FANCD2: variants seen among roughly 807,000 people sequenced by gnomAD.
FANCD2 encodes the protein Fanconi anemia group D2 protein.
FANCD2 carries 131 observed loss-of-function variants against 192.3 expected under a neutral mutation model. That is an observed-to-expected ratio of 0.68 (90% CI 0.59 to 0.79). The LOEUF is 0.79. FANCD2 is among the 30% of genes least tolerant of loss of function. FANCD2 has a pLI of 0.00. For synonymous variants in FANCD2, 524 were observed against 612.5 expected (o/e 0.86, Z 2.13); for missense variants, 1,508 against 1,701.6 (o/e 0.89, Z 2.00).
At chr3:10,068,994 G>T (rs1488903206) in intron 26 of FANCD2, among the ~76,000 whole-genome samples, 1 of 152,066 alleles carries the variant, frequency 6.6e-6, no homozygotes, top group Non-Finnish European at 1.5e-5. Context: ...AAATCAAAAT[G>T]GATTATAGAC....
intron 26 of FANCD2, among the ~76,000 whole-genome samples, chr3:10,070,215 C>T (rs886464846): frequency 1.2e-4 from 18 of 148,506 alleles, no homozygotes; most frequent in African/African-American, 3.7e-4. Context: ...GTGAGGAGCC[C>T]CTCTGCCCGG....
chr3:10,060,814 C>T (rs924048578), intron 19 of FANCD2, among the ~76,000 whole-genome samples: 1 of 152,184 alleles, frequency 6.6e-6, no homozygotes, highest in Non-Finnish European at 1.5e-5. Flanking sequence ...TATTTCCCCT[C>T]ACCTTGTTCC....
At chr3:10,028,544 GC>G (rs1474953414) in intron 1 of FANCD2, 80 bp from the exon 2 acceptor site, 1 of 897,476 alleles carries the variant, frequency 1.1e-6, no homozygotes, top group African/African-American at 1.7e-5. Context: ...TTTGGATAGA[GC>G]AGTTTTCTTT....
At position 10,047,919 on chromosome 3, in the gene FANCD2, T is replaced by C. The variant is rs777812740; in HGVS notation, c.1281T>C (p.Val427=). ...LQSTFSVHYL[V]LKDMCSSILS... ...CTCTCTACTCTTCCCCACTCAAGGT[T>C]CTTAAGGATATGTGTTCATCCATTC... Residue 427 remains valine, a splice_region_variant and synonymous_variant, in exon 16 of 44, where the codon GTT becomes GTC. Coordinates refer to ENST00000675286, the MANE Select transcript of FANCD2 (RefSeq NM_001018115.3). The C allele has an allele frequency of 1.6e-5, 25 of 1,612,516 alleles. No homozygotes were observed. Among genetic ancestry groups the C allele is most frequent in the Non-Finnish European group, 2.1e-5 (25 of 1,180,054 alleles).
chr3:10,052,021 G>T (rs1324617393), intron 17 of FANCD2, among the ~76,000 whole-genome samples: 1 of 152,088 alleles, frequency 6.6e-6, no homozygotes, highest in Non-Finnish European at 1.5e-5. Context: ...GAAAGGTGGA[G>T]GTAAAGAATA....
chr3:10,076,465 T>G (rs1693550706), intron 29 of FANCD2, among the ~76,000 whole-genome samples: 1 of 152,218 alleles, frequency 6.6e-6, no homozygotes, highest in African/African-American at 2.4e-5. Context: ...GAATATTTAT[T>G]TTGGACATGC....
chr3:10,082,337 C>T (rs1693893189), intron 32 of FANCD2, among the ~76,000 whole-genome samples: 1 of 152,170 alleles, frequency 6.6e-6, no homozygotes, highest in African/African-American at 2.4e-5. Flanking sequence ...CTTCCAGACT[C>T]CCATTATCTC....
chr3:10,082,336 T>A (rs764115368), intron 32 of FANCD2, among the ~76,000 whole-genome samples: 6 of 152,176 alleles, frequency 3.9e-5, no homozygotes, highest in East Asian at 1.9e-4. Flanking sequence ...GCTTCCAGAC[T>A]CCCATTATCT....
intron 27 of FANCD2, 45 bp from the exon 28 acceptor site, chr3:10,073,208 T>C: frequency 1.3e-6 from 2 of 1,496,638 alleles, no homozygotes; most frequent in South Asian, 1.1e-5. Context: ...TTGGCAAACA[T>C]GATTATTAAT....
At chr3:10,031,492 A>C (rs1157430146) in intron 2 of FANCD2, among the ~76,000 whole-genome samples, 1 of 134,876 alleles carries the variant, frequency 7.4e-6, no homozygotes, top group Non-Finnish European at 1.6e-5. Context: ...ACAGAGCAAG[A>C]CTCCATTTCA....
chr3:10,050,396 G>A (rs1316723831), intron 17 of FANCD2, among the ~76,000 whole-genome samples: 15 of 152,150 alleles, frequency 9.9e-5, no homozygotes, highest in East Asian at 3.9e-4. Context: ...AGGCCAAGGC[G>A]GGCAAATCAC....
chr3:10,055,628 C>T (rs1191401884), intron 18 of FANCD2, among the ~76,000 whole-genome samples: 14 of 151,968 alleles, frequency 9.2e-5, no homozygotes, highest in African/African-American at 3.4e-4. Flanking sequence ...CTGGCTAACA[C>T]GGTGAAACCC....
At chr3:10,087,327 T>TA (rs1173819996) in intron 34 of FANCD2, 63 bp downstream of exon 34, 1 of 1,500,950 alleles carries the variant, frequency 6.7e-7, no homozygotes, top group African/African-American at 1.5e-5. Context: ...ATCTCACACT[T>TA]ACAAACTTTG....
In FANCD2 at chr3:10,044,369, C is replaced by T. The variant is rs1289573072; in HGVS notation, c.1134+505C>T. Among the ~76,000 whole-genome samples, 6 of 151,658 alleles carry T rather than the reference C, an allele frequency of 4.0e-5. No homozygotes were observed. In the East Asian group the frequency reaches 1.2e-3, roughly 29 times the overall value. On this transcript the variant is annotated intron_variant, in intron 14 of 43. Transcript: ENST00000675286. ...TATTAATTCTAGAAATACCTTCCAT[C>T]AAAAAGCCAGATGATTGGCCGGGCG...
chr3:10,076,488 T>C (rs1693552132), intron 29 of FANCD2, among the ~76,000 whole-genome samples: 1 of 152,212 alleles, frequency 6.6e-6, no homozygotes, highest in Admixed American at 6.5e-5. Flanking sequence ...GACTTTATTA[T>C]ATGACAGAGC....
intron 7 of FANCD2, among the ~76,000 whole-genome samples, chr3:10,038,143 A>C (rs540907535): frequency 6.6e-6 from 1 of 152,188 alleles, no homozygotes; most frequent in East Asian, 1.9e-4. Flanking sequence ...GGTGTGCGCC[A>C]CCACACCCAG....
chr3:10,101,095 A>G (rs1445774389), intron 43 of FANCD2, 93 bp from the exon 44 acceptor site: 2 of 979,456 alleles, frequency 2.0e-6, no homozygotes, highest in East Asian at 2.4e-5. Context: ...AACAGTGATA[A>G]TAGTACAGTT....
chr3:10,051,402 A>G (rs2087206286), intron 17 of FANCD2, among the ~76,000 whole-genome samples: 1 of 11,168 alleles, frequency 9.0e-5, no homozygotes, highest in Non-Finnish European at 1.4e-4. Flanking sequence ...AAAAAAAAAA[A>G]AAAAACAAAA....
At chr3:10,045,474 ATTC>A (rs2086979381) in intron 14 of FANCD2, 1 of 150,138 alleles carries the variant, frequency 6.7e-6, no homozygotes, top group South Asian at 2.1e-4. Context: ...AGCATGGCTT[ATTC>A]TTCCTGATGA....
Sources: gnomAD v4.1 joint callset for allele counts (sites outside exome capture counted in the v4.1 genomes callset) on GRCh38, gnomAD v4.1.1 for gene constraint, MANE v1.5 for transcripts, NCBI Gene and HGNC (gene_info 2026-07-23, HGNC 2026-07-21) for gene names.